FOXP2: variants seen among roughly 807,000 people sequenced by gnomAD.
FOXP2 encodes the protein forkhead box P2, also known as forkhead box protein P2.
A neutral mutation model predicts 115.8 loss-of-function variants in FOXP2; 12 were observed. That is an observed-to-expected ratio of 0.10 (90% CI 0.07 to 0.17). FOXP2 has a LOEUF of 0.17. FOXP2 is among the 10% of genes least tolerant of loss of function. The probability of loss-of-function intolerance (pLI) is 1.00; values close to 1 mark genes in which losing one functional copy is unlikely to be tolerated. For synonymous variants in FOXP2, 328 were observed against 297.7 expected (o/e 1.10, Z -1.05); for missense variants, 629 against 843.5 (o/e 0.75, Z 3.15).
At chr7:114,321,092 T>C (rs1797408266) in intron 2 of FOXP2, among the ~76,000 whole-genome samples, 1 of 152,172 alleles carries the variant, frequency 6.6e-6, no homozygotes, top group South Asian at 2.1e-4. Flanking sequence ...GACAGCCTCC[T>C]TCCCCTTCCC....
chr7:114,628,669 C>A lies in FOXP2; in HGVS notation c.388C>A (p.Leu130Met), dbSNP rs769148228. Residue 130 changes from leucine (L) to methionine (M), a missense_variant, in exon 4 of 17, where the codon CTG becomes ATG. This residue lies in a region of FOXP2 where 138 missense variants were observed against 205.1 expected (regional missense o/e 0.67). Coordinates refer to ENST00000350908, the MANE Select transcript of FOXP2 (RefSeq NM_014491.4). ...TCTCCAACAACAGCAGGCTGTCATG[C>A]TGCAGCAGGTAATGTGGGTTACCTG... ...ALLQQQQAVM[L>M]QQQQLQEFYK... 2 of 1,614,006 alleles carry A rather than the reference C, an allele frequency of 1.2e-6. No individual in the cohort carries two copies. The highest frequency in any genetic ancestry group is 1.7e-5 in the Admixed American group (1 of 59,990).
chr7:114,161,654 G>GCATATATATA (rs1554424363), upstream of FOXP2, among the ~76,000 whole-genome samples: 3 of 151,436 alleles, frequency 2.0e-5, no homozygotes, highest in African/African-American at 7.3e-5. Flanking sequence ...GTGTGTGCGT[G>GCATATATATA]TATATATATA....
chr7:114,205,465 T>G (rs1021908666), intron 1 of FOXP2, among the ~76,000 whole-genome samples: 1 of 152,174 alleles, frequency 6.6e-6, no homozygotes, highest in Non-Finnish European at 1.5e-5. Context: ...ATCACTACAT[T>G]GGTAAGGATT....
intron 3 of FOXP2, among the ~76,000 whole-genome samples, chr7:114,559,305 G>T (rs1800634976): frequency 1.3e-5 from 2 of 152,114 alleles, no homozygotes; most frequent in African/African-American, 4.8e-5. Flanking sequence ...AACAGGTGTA[G>T]ATCTTAGCCT....
intron 1 of FOXP2, among the ~76,000 whole-genome samples, chr7:114,191,184 T>A (rs1184292936): frequency 6.6e-6 from 1 of 152,226 alleles, no homozygotes; most frequent in Non-Finnish European, 1.5e-5. Flanking sequence ...TTTTGAATAG[T>A]CTTTAGCTGT....
At chr7:114,289,762 T>G (rs1299450425) in intron 2 of FOXP2, among the ~76,000 whole-genome samples, 2 of 151,982 alleles carry the variant, frequency 1.3e-5, no homozygotes, top group Non-Finnish European at 2.9e-5. Flanking sequence ...TAGTGGCAGT[T>G]TTTAAATATT....
At chr7:114,643,552 A>G (rs1207478176) in intron 7 of FOXP2, among the ~76,000 whole-genome samples, 4 of 152,188 alleles carry the variant, frequency 2.6e-5, no homozygotes, top group Non-Finnish European at 4.4e-5. Flanking sequence ...TAAATGTGTT[A>G]TGTTAGATAA....
At chr7:114,214,241 G>T (rs1794431478) in intron 1 of FOXP2, among the ~76,000 whole-genome samples, 1 of 152,070 alleles carries the variant, frequency 6.6e-6, no homozygotes, top group Non-Finnish European at 1.5e-5. Context: ...ACTACCTTAA[G>T]GTCACTCTCA....
At chr7:114,652,018 A>C (rs992394410) in intron 8 of FOXP2, among the ~76,000 whole-genome samples, 185 bp from the exon 9 acceptor site, 3 of 152,178 alleles carry the variant, frequency 2.0e-5, no homozygotes, top group African/African-American at 4.8e-5. Flanking sequence ...GAGTCTCTTT[A>C]CATTACATAA....
upstream of FOXP2, chr7:114,414,557 G>T (rs1010170865): frequency 6.5e-6 from 1 of 154,718 alleles, no homozygotes; most frequent in African/African-American, 2.4e-5. Context: ...GTAATTGATG[G>T]TATCTAGTGT....
chr7:114,207,549 A>G (rs1417233574), intron 1 of FOXP2, among the ~76,000 whole-genome samples: 1 of 152,226 alleles, frequency 6.6e-6, no homozygotes, highest in Non-Finnish European at 1.5e-5. Context: ...TCTTACTTGA[A>G]TAATATTCAC....
intron 8 of FOXP2, among the ~76,000 whole-genome samples, chr7:114,651,528 C>A (rs1038506254): frequency 6.6e-6 from 1 of 152,004 alleles, no homozygotes; most frequent in Non-Finnish European, 1.5e-5. Flanking sequence ...TAGACTAATG[C>A]ATATTCAAGG....
chr7:114,560,326 C>A (rs1419422109), intron 3 of FOXP2, among the ~76,000 whole-genome samples: 1 of 152,068 alleles, frequency 6.6e-6, no homozygotes, highest in Non-Finnish European at 1.5e-5. Flanking sequence ...GAAATTATGG[C>A]CAGGTGCAGT....
intron 1 of FOXP2, among the ~76,000 whole-genome samples, chr7:114,424,757 A>C (rs1793768190): frequency 6.6e-6 from 1 of 151,558 alleles, no homozygotes; most frequent in South Asian, 2.1e-4. Context: ...ATTTCGCTCA[A>C]AAATTGTTTA....
chr7:114,657,162 A>C (rs775537047), intron 10 of FOXP2, among the ~76,000 whole-genome samples: 1 of 152,192 alleles, frequency 6.6e-6, no homozygotes. Flanking sequence ...TTATGACAAA[A>C]GATGTGTGGT....
At chr7:114,119,741 A>G (rs1791508308) in intron 1 of FOXP2, among the ~76,000 whole-genome samples, 1 of 152,170 alleles carries the variant, frequency 6.6e-6, no homozygotes, top group African/African-American at 2.4e-5. Context: ...TTTCATCAAT[A>G]GTATTTTTGA....
chr7:114,412,372 C>A (rs958495268), upstream of FOXP2, among the ~76,000 whole-genome samples: 8 of 152,062 alleles, frequency 5.3e-5, no homozygotes, highest in African/African-American at 1.9e-4. Flanking sequence ...TCTTTAATAA[C>A]CTGGAGTTAT....
In FOXP2 at chr7:114,692,896, T is replaced by A. The variant is rs886061932; in HGVS notation, c.*2970T>A. The A allele has an allele frequency of 2.2e-6, 1 of 454,102 alleles. No individual in the cohort carries two copies. Among genetic ancestry groups the A allele is most frequent in the East Asian group, 6.9e-5 (1 of 14,398 alleles). The allele number at this position is 454,102 out of a possible 1,614,324, so 28.1% of individuals were successfully genotyped here. ...TGTGTACTATGTTCATACTTTGAATTCTCTGACGTTAGAAGTCATGGTTGA... is the reference window on the plus strand; with the variant it reads ...TGTGTACTATGTTCATACTTTGAATACTCTGACGTTAGAAGTCATGGTTGA... On this transcript the variant is annotated 3_prime_UTR_variant, in exon 17 of 17. Coordinates refer to ENST00000350908, the MANE Select transcript of FOXP2 (RefSeq NM_014491.4).
At chr7:114,382,883 C>G (rs555583108) in intron 2 of FOXP2, among the ~76,000 whole-genome samples, 2 of 152,282 alleles carry the variant, frequency 1.3e-5, no homozygotes, top group Admixed American at 1.3e-4. Flanking sequence ...ATGTGGACAT[C>G]ATTGAATAAT....
Sources: gnomAD v4.1 joint callset for allele counts (sites outside exome capture counted in the v4.1 genomes callset) on GRCh38, gnomAD v4.1.1 for gene constraint, gnomAD v4.1.1 regional missense constraint, MANE v1.5 for transcripts, NCBI Gene and HGNC (gene_info 2026-07-23, HGNC 2026-07-21) for gene names.